The following CCSER2 variants were observed in gnomAD, a reference collection of about 807,000 sequenced individuals.
CCSER2 encodes the protein coiled-coil serine rich protein 2.
Under a neutral mutation model 92.3 loss-of-function variants are expected in CCSER2, and 46 were observed. The ratio of observed to expected loss-of-function variants is 0.50; its 90% confidence interval spans 0.39 to 0.64. The LOEUF (loss-of-function observed/expected upper bound fraction) is 0.64. Ranked by LOEUF, CCSER2 falls within the 30% of genes least tolerant of loss-of-function variation. The pLI is 0.00. For missense variants in CCSER2, 1,244 were observed against 1,238.9 expected (o/e 1.00, Z -0.06); for synonymous variants, 433 against 431.4 (o/e 1.00, Z -0.04).
intron 1 of CCSER2, among the ~76,000 whole-genome samples, chr10:84,337,547 A>T (rs540497604): frequency 1.3e-5 from 2 of 152,312 alleles, no homozygotes; most frequent in African/African-American, 4.8e-5. Context: ...GACTGCTGGG[A>T]TAGACAGTTT....
intron 2 of CCSER2, 32 bp from the exon 3 acceptor site, chr10:84,373,587 T>A: frequency 6.7e-7 from 1 of 1,485,488 alleles, no homozygotes; most frequent in Non-Finnish European, 9.3e-7. Context: ...CAATTATATT[T>A]TTGTGAATCA....
intron 1 of CCSER2, among the ~76,000 whole-genome samples, chr10:84,330,854 G>T (rs573734995): frequency 6.6e-6 from 1 of 152,290 alleles, no homozygotes; most frequent in South Asian, 2.1e-4. Context: ...AAAAGGGCAT[G>T]ACCAATAAAG....
At chr10:84,442,645 AG>A (rs1210035091) in intron 6 of CCSER2, among the ~76,000 whole-genome samples, 3 of 152,140 alleles carry the variant, frequency 2.0e-5, no homozygotes, top group African/African-American at 4.8e-5. Context: ...GGGGAAGAAA[AG>A]GTTTTTTAAA....
chr10:84,468,854 A>G (rs1339158583), intron 7 of CCSER2, among the ~76,000 whole-genome samples: 1 of 152,130 alleles, frequency 6.6e-6, no homozygotes, highest in Non-Finnish European at 1.5e-5. Context: ...AAACATACAG[A>G]TGTATATTTG....
chr10:84,447,503 T>A (rs1844998599), intron 6 of CCSER2, among the ~76,000 whole-genome samples: 1 of 152,226 alleles, frequency 6.6e-6, no homozygotes, highest in South Asian at 2.1e-4. Flanking sequence ...GTTTTTTCAC[T>A]GTCTGATATC....
chr10:84,470,262 C>T, intron 7 of CCSER2, 110 bp from the exon 8 acceptor site: 1 of 530,436 alleles, frequency 1.9e-6, no homozygotes, highest in African/African-American at 2.0e-5. Context: ...TAGAGGATTT[C>T]CCCCCTAAAT....
intron 1 of CCSER2, among the ~76,000 whole-genome samples, chr10:84,347,403 G>T (rs984656007): frequency 4.0e-5 from 6 of 151,280 alleles, no homozygotes; most frequent in East Asian, 4.0e-4. Context: ...GGCCGGGGAG[G>T]GGGGGTGCTG....
At chr10:84,413,751 T>G (rs990347413) in intron 3 of CCSER2, among the ~76,000 whole-genome samples, 2 of 152,200 alleles carry the variant, frequency 1.3e-5, no homozygotes, top group African/African-American at 4.8e-5. Context: ...GGTATTAATG[T>G]CTCCCACTAT....
chr10:84,416,649 C>G (rs1453308583), intron 3 of CCSER2, among the ~76,000 whole-genome samples: 1 of 151,932 alleles, frequency 6.6e-6, no homozygotes, highest in Non-Finnish European at 1.5e-5. Flanking sequence ...GTTTTTTTGG[C>G]TGGGCGCGGT....
intron 3 of CCSER2, among the ~76,000 whole-genome samples, chr10:84,407,912 T>G (rs1056406654): frequency 6.6e-6 from 1 of 152,156 alleles, no homozygotes; most frequent in Non-Finnish European, 1.5e-5. Flanking sequence ...AAAATGAGAC[T>G]TTCTGGGGAG....
rs537271708 is a variant in CCSER2, at chr10:84,499,472, C to T, written c.2326-13977C>T. On this transcript the variant is annotated intron_variant, in intron 9 of 9. Transcript: ENST00000372088. ...TTTAGATGATAATTTTTTTGTATTG[C>T]CTGATTCACAAATTGGTGCATTTTC... Among the ~76,000 whole-genome samples, 11 of 152,156 alleles carry T rather than the reference C, an allele frequency of 7.2e-5. No individual in the cohort carries two copies. In the South Asian group the frequency reaches 2.3e-3, roughly 32 times the overall value.
At chr10:84,501,431 T>G (rs1848713587) in intron 9 of CCSER2, among the ~76,000 whole-genome samples, 2 of 152,180 alleles carry the variant, frequency 1.3e-5, no homozygotes, top group Admixed American at 6.6e-5. Context: ...TCCTCCCCCT[T>G]TCTCCTTCTC....
intron 4 of CCSER2, among the ~76,000 whole-genome samples, chr10:84,424,207 T>G (rs1843307099): frequency 6.6e-6 from 1 of 151,962 alleles, no homozygotes; most frequent in South Asian, 2.1e-4. Flanking sequence ...TTTGCTATCT[T>G]ATTTTCTACT....
intron 1 of CCSER2, among the ~76,000 whole-genome samples, chr10:84,330,536 A>C (rs933718085): frequency 6.6e-6 from 1 of 152,134 alleles, no homozygotes; most frequent in Non-Finnish European, 1.5e-5. Flanking sequence ...TTTTTGAGAC[A>C]GAGTCTTGCA....
intron 9 of CCSER2, among the ~76,000 whole-genome samples, chr10:84,496,060 T>G (rs1348084398): frequency 6.6e-6 from 1 of 151,900 alleles, no homozygotes; most frequent in African/African-American, 2.4e-5. Flanking sequence ...AGTTTATGTC[T>G]TTATAATAAT....
At chr10:84,509,101 A>G (rs1037092030) in intron 9 of CCSER2, among the ~76,000 whole-genome samples, 6 of 152,328 alleles carry the variant, frequency 3.9e-5, no homozygotes, top group South Asian at 2.1e-4. Flanking sequence ...ATTTCCTGCT[A>G]TCCTTCTAAA....
At chr10:84,504,377 T>C (rs1848933023) in intron 9 of CCSER2, among the ~76,000 whole-genome samples, 1 of 152,050 alleles carries the variant, frequency 6.6e-6, no homozygotes, top group African/African-American at 2.4e-5. Flanking sequence ...ATGTTTATTG[T>C]TGAATATTAA....
intron 1 of CCSER2, among the ~76,000 whole-genome samples, chr10:84,351,564 C>T (rs1294423892): frequency 6.6e-6 from 1 of 152,088 alleles, no homozygotes; most frequent in African/African-American, 2.4e-5. Context: ...GAGACTGGGT[C>T]TCACTGTGTT....
intron 9 of CCSER2, among the ~76,000 whole-genome samples, chr10:84,512,359 A>G (rs1259543086): frequency 8.8e-6 from 1 of 113,348 alleles, no homozygotes; most frequent in East Asian, 2.7e-4. Context: ...AGCCCACATT[A>G]TTTAAACAGT....
Sources: allele counts gnomAD v4.1 joint callset (sites outside exome capture counted in the v4.1 genomes callset), GRCh38; gene constraint gnomAD v4.1.1; transcripts MANE v1.5; gene names NCBI Gene and HGNC (gene_info 2026-07-23, HGNC 2026-07-21).